The following E2F3 variants were observed in gnomAD, a reference collection of about 807,000 sequenced individuals.
E2F3 encodes E2F transcription factor 3.
E2F3 carries 11 observed loss-of-function variants against 44.4 expected under a neutral mutation model. The observed-to-expected ratio is 0.25, with a 90% CI of 0.16 to 0.41. The LOEUF (loss-of-function observed/expected upper bound fraction) is 0.41. Ranked by LOEUF, E2F3 falls within the 10% of genes least tolerant of loss-of-function variation. The pLI is 1.00. For synonymous variants in E2F3, 249 were observed against 253.0 expected (o/e 0.98, Z 0.15); for missense variants, 487 against 583.6 (o/e 0.83, Z 1.70).
chr6:20,487,219 G>A lies in E2F3; in HGVS notation c.999+416G>A, dbSNP rs1254681450. The stretch of plus-strand genomic sequence containing the variant: ...TTTTGAGAGATCACATGGGGCTTTG[G>A]GTTAGCTGATAGACTAGAATATTGC... On this transcript the variant is annotated intron_variant, in intron 5 of 6. Transcript: ENST00000346618. Among the ~76,000 whole-genome samples, 4 of 152,126 alleles carry A rather than the reference G, an allele frequency of 2.6e-5. No individual in the cohort carries two copies. The East Asian group carries it at 5.8e-4, about 22-fold the overall frequency.
rs979243026 is a variant in E2F3 at position 20,492,332 on chromosome 6, TTTC to T, written c.*1909_*1911del. ...CAAAGGTGCAGACTATCTTCCTTTT[TTTC>T]TTCTTCAGCCTCCATCCCTGGCCTC... On this transcript the variant is annotated 3_prime_UTR_variant, in exon 7 of 7. Transcript: ENST00000346618. 1 of 233,140 alleles carries T rather than the reference TTTC, an allele frequency of 4.3e-6. No homozygotes were observed. The highest frequency in any genetic ancestry group is 2.2e-5 in the African/African-American group (1 of 45,276). The allele number at this position is 233,140 out of a possible 1,614,324, so 14.4% of individuals were successfully genotyped here.
intron 1 of E2F3, among the ~76,000 whole-genome samples, chr6:20,404,213 A>G (rs1759415972): frequency 6.6e-6 from 1 of 151,940 alleles, no homozygotes; most frequent in African/African-American, 2.4e-5. Flanking sequence ...GGGTGTCTGT[A>G]GGATTCCCAG....
intron 1 of E2F3, among the ~76,000 whole-genome samples, chr6:20,465,051 C>G (rs1761655628): frequency 6.6e-6 from 1 of 152,184 alleles, no homozygotes; most frequent in African/African-American, 2.4e-5. Context: ...TAACTGTAGC[C>G]CAAGTCAGGG....
At chr6:20,427,122 T>G (rs921109919) in intron 1 of E2F3, among the ~76,000 whole-genome samples, 1 of 152,174 alleles carries the variant, frequency 6.6e-6, no homozygotes, top group South Asian at 2.1e-4. Context: ...GCATATATAA[T>G]AAGAAGACAA....
At chr6:20,436,215 A>G (rs958588275) in intron 1 of E2F3, among the ~76,000 whole-genome samples, 1 of 152,118 alleles carries the variant, frequency 6.6e-6, no homozygotes, top group African/African-American at 2.4e-5. Flanking sequence ...TCCTGACCTC[A>G]GGTGATCCAC....
At chr6:20,473,812 A>ACTTC (rs1466380838) in intron 1 of E2F3, among the ~76,000 whole-genome samples, 26 of 152,294 alleles carry the variant, frequency 1.7e-4, no homozygotes, top group African/African-American at 6.3e-4. Flanking sequence ...CCCAGGATTG[A>ACTTC]CTGACCCTTC....
chr6:20,422,752 C>T (rs1388326122), intron 1 of E2F3, among the ~76,000 whole-genome samples: 7 of 152,134 alleles, frequency 4.6e-5, no homozygotes, highest in South Asian at 2.1e-4. Context: ...ATTCAGAACA[C>T]GCACAATGGC....
intron 1 of E2F3, among the ~76,000 whole-genome samples, chr6:20,426,110 C>T (rs182228896): frequency 2.1e-4 from 32 of 152,276 alleles, no homozygotes; most frequent in Non-Finnish European, 4.4e-5. Context: ...ATATCTAATA[C>T]AATAGTTGTG....
intron 1 of E2F3, among the ~76,000 whole-genome samples, chr6:20,427,604 T>TG (rs1760258183): frequency 6.6e-6 from 1 of 152,136 alleles, no homozygotes; most frequent in South Asian, 2.1e-4. Flanking sequence ...AGACTCACTG[T>TG]GGCCATTGAA....
At chr6:20,460,165 T>G (rs575816016) in intron 1 of E2F3, among the ~76,000 whole-genome samples, 2 of 152,348 alleles carry the variant, frequency 1.3e-5, no homozygotes, top group South Asian at 4.1e-4. Flanking sequence ...GGCTGACTGG[T>G]TCCTCCAATT....
intron 1 of E2F3, among the ~76,000 whole-genome samples, chr6:20,447,637 GTGCAGAGAC>G (rs1381630874): frequency 6.6e-6 from 1 of 151,974 alleles, no homozygotes; most frequent in African/African-American, 2.4e-5. Context: ...ATGTCGTCTG[GTGCAGAGAC>G]TGCTACAAAA....
Position 20,469,660 on chromosome 6 carries a change from G to A in E2F3, c.394-10186G>A, listed in dbSNP as rs553730751. Among the ~76,000 whole-genome samples, 7 of 152,244 alleles carry A rather than the reference G, an allele frequency of 4.6e-5. No homozygotes were observed. In the South Asian group the frequency reaches 1.0e-3, roughly 23 times the overall value. The stretch of plus-strand genomic sequence containing the variant: ...TCCCCAAACTAGTCCACAAATACAG[G>A]TTATAGTGAAATTAAAATATCCTAG... On this transcript the variant is annotated intron_variant, in intron 1 of 6. Transcript: ENST00000346618.
At chr6:20,462,601 GTGTCCGCCCTCTTACCT>G (rs1431887174) in intron 1 of E2F3, among the ~76,000 whole-genome samples, 1 of 151,810 alleles carries the variant, frequency 6.6e-6, no homozygotes, top group African/African-American at 2.4e-5. Flanking sequence ...GGGATTACAG[GTGTCCGCCCTCTTACCT>G]TGCAAATTTT....
intron 1 of E2F3, among the ~76,000 whole-genome samples, chr6:20,456,453 A>T (rs1394779048): frequency 6.6e-6 from 1 of 152,236 alleles, no homozygotes; most frequent in Admixed American, 6.5e-5. Context: ...GAACATTGTC[A>T]TAAAGAGCAT....
intron 1 of E2F3, among the ~76,000 whole-genome samples, chr6:20,478,546 C>T (rs529413922): frequency 5.9e-5 from 9 of 152,316 alleles, no homozygotes; most frequent in Admixed American, 2.0e-4. Context: ...CAGTGGCTCA[C>T]GCCTGTAATC....
At chr6:20,408,149 A>G (rs1324823255) in intron 1 of E2F3, among the ~76,000 whole-genome samples, 2 of 152,246 alleles carry the variant, frequency 1.3e-5, no homozygotes, top group Admixed American at 1.3e-4. Flanking sequence ...GGACTTAACA[A>G]TGGAAGATAA....
intron 1 of E2F3, among the ~76,000 whole-genome samples, chr6:20,417,465 G>A (rs1759885576): frequency 6.6e-6 from 1 of 151,898 alleles, no homozygotes; most frequent in Non-Finnish European, 1.5e-5. Context: ...AAAATCTTAA[G>A]TAATGACTTT....
chr6:20,402,618 GC>G lies in E2F3; in HGVS notation c.389del (p.Pro130LeufsTer9). ...CGCGGCGGCAGCGGCGGCGGCGGCG[GC>G]CCTCCGGTAATACCCTCCCTCCCCA... ...LGRGGSGGGG[G>X]PPAKRRLELG... On this transcript the variant is annotated frameshift_variant, in exon 1 of 7. Transcript: ENST00000346618. LOFTEE classifies it high-confidence loss of function. This position sits in a 1 kb window ranked among gnomAD's most constrained non-coding sequence, Gnocchi z 5.6. 7.5e-7 allele frequency: 1 copy of G among 1,336,654 alleles called. No homozygotes were observed. Among genetic ancestry groups the G allele is most frequent in the Non-Finnish European group, 9.5e-7 (1 of 1,052,452 alleles). The allele number at this position is 1,336,654 out of a possible 1,614,324, so 82.8% of individuals were successfully genotyped here. A position where few individuals can be genotyped will look rare whatever the true frequency, so the allele number is the denominator to read the frequency against.
At chr6:20,477,734 C>T (rs528010555) in intron 1 of E2F3, among the ~76,000 whole-genome samples, 7 of 151,624 alleles carry the variant, frequency 4.6e-5, no homozygotes, top group African/African-American at 1.7e-4. Context: ...AAAAAAAAAT[C>T]ATAAGGAAGA....
Sources: allele counts gnomAD v4.1 joint callset (sites outside exome capture counted in the v4.1 genomes callset), GRCh38; gene constraint gnomAD v4.1.1; non-coding constraint Gnocchi (gnomAD v3.1); transcripts MANE v1.5; gene names NCBI Gene and HGNC (gene_info 2026-07-23, HGNC 2026-07-21).